The following ANK2 variants were observed in gnomAD, a reference collection of about 807,000 sequenced individuals.
The protein encoded by ANK2 is ankyrin 2.
Under a neutral mutation model 360.5 loss-of-function variants are expected in ANK2, and 83 were observed. The observed-to-expected ratio is 0.23, with a 90% confidence interval of 0.19 to 0.28. ANK2 has a LOEUF of 0.28. Ranked by LOEUF, ANK2 falls within the 10% of genes least tolerant of loss-of-function variation. ANK2 has a pLI of 1.00. For missense variants in ANK2, 4,201 were observed against 4,795.7 expected (o/e 0.88, Z 3.66); for synonymous variants, 1,740 against 1,759.5 (o/e 0.99, Z 0.28).
intron 2 of ANK2, among the ~76,000 whole-genome samples, chr4:112,954,592 T>G (rs1329305863): frequency 6.6e-6 from 1 of 152,206 alleles, no homozygotes; most frequent in African/African-American, 2.4e-5. Flanking sequence ...ATTCCTGGGT[T>G]TTACTACTCA....
chr4:112,774,514 G>A, the ANK2 span, among the ~76,000 whole-genome samples: 9 of 152,160 alleles, frequency 5.9e-5, no homozygotes, highest in African/African-American at 9.7e-5. Flanking sequence ...GCGACAGAGC[G>A]AGACTCCGTC....
chr4:113,039,194 GAT>G (rs2062310417), intron 2 of ANK2, among the ~76,000 whole-genome samples: 1 of 151,970 alleles, frequency 6.6e-6, no homozygotes, highest in South Asian at 2.1e-4. Context: ...AGAGTGATAA[GAT>G]AGTAAACTGA....
chr4:113,346,187 C>T (rs992825340), intron 35 of ANK2, among the ~76,000 whole-genome samples, 165 bp downstream of exon 35: 6 of 152,124 alleles, frequency 3.9e-5, no homozygotes, highest in East Asian at 1.9e-4. Context: ...GTAATAATCA[C>T]GTTTGATTCT....
At chr4:112,967,852 T>G (rs2037929215) in intron 2 of ANK2, among the ~76,000 whole-genome samples, 1 of 152,134 alleles carries the variant, frequency 6.6e-6, no homozygotes, top group Non-Finnish European at 1.5e-5. Context: ...CCTCTCAGCT[T>G]GAGTTGAAAA....
the ANK2 span, among the ~76,000 whole-genome samples, chr4:112,759,424 C>T: frequency 3.3e-4 from 50 of 152,334 alleles, no homozygotes; most frequent in African/African-American, 1.0e-3. Context: ...GGATTACAAG[C>T]GTGAGCTACC....
At chr4:113,291,888 T>C (rs2067849667) in intron 20 of ANK2, among the ~76,000 whole-genome samples, 1 of 152,174 alleles carries the variant, frequency 6.6e-6, no homozygotes, top group Non-Finnish European at 1.5e-5. Flanking sequence ...GAAAGGAATA[T>C]AAGATTTAGA....
intron 13 of ANK2, among the ~76,000 whole-genome samples, chr4:113,262,839 G>A (rs1390836074): frequency 6.6e-6 from 1 of 151,780 alleles, no homozygotes; most frequent in Non-Finnish European, 1.5e-5. Context: ...ATTGGTGGGG[G>A]AAACAGGAGG....
At chr4:113,363,022 A>G (rs1314855945) in intron 39 of ANK2, among the ~76,000 whole-genome samples, 1 of 152,200 alleles carries the variant, frequency 6.6e-6, no homozygotes, top group African/African-American at 2.4e-5. Flanking sequence ...GCTTAAAAGT[A>G]TAAGCAAGTA....
At chr4:113,145,838 G>A (rs1417338638) in intron 1 of ANK2, 2 of 1,288,802 alleles carry the variant, frequency 1.6e-6, no homozygotes, top group South Asian at 2.5e-5. Context: ...GCAAGGACGG[G>A]CCCACTGACA....
the ANK2 span, among the ~76,000 whole-genome samples, chr4:112,706,106 C>G: frequency 7.4e-4 from 112 of 151,308 alleles, no homozygotes; most frequent in African/African-American, 2.6e-3. Flanking sequence ...CGCGGGAGAC[C>G]CGGGCGTGAC....
intron 2 of ANK2, among the ~76,000 whole-genome samples, chr4:112,956,108 A>G (rs746073234): frequency 6.6e-6 from 1 of 152,154 alleles, no homozygotes; most frequent in Non-Finnish European, 1.5e-5. Flanking sequence ...GTACCAACCA[A>G]TTGCCATCTA....
At chr4:113,278,179 A>T (rs979190930) in intron 16 of ANK2, among the ~76,000 whole-genome samples, 1 of 152,184 alleles carries the variant, frequency 6.6e-6, no homozygotes, top group African/African-American at 2.4e-5. Flanking sequence ...TATTAAGAAG[A>T]ATCCCTGCAA....
At chr4:112,861,691 C>A (rs2068064120) in intron 1 of ANK2, among the ~76,000 whole-genome samples, 1 of 152,124 alleles carries the variant, frequency 6.6e-6, no homozygotes, top group Admixed American at 6.5e-5. Context: ...TCTCAAGGGA[C>A]CTGAAAGGGC....
chr4:113,330,124 C>T (rs2091969371), intron 26 of ANK2, 122 bp from the exon 27 acceptor site: 1 of 911,130 alleles, frequency 1.1e-6, no homozygotes, highest in Non-Finnish European at 1.7e-6. Context: ...CATTTTACCA[C>T]CATGCATTTA....
chr4:112,803,519 G>A, the ANK2 span, among the ~76,000 whole-genome samples: 4 of 152,066 alleles, frequency 2.6e-5, no homozygotes, highest in Admixed American at 1.3e-4. Flanking sequence ...GGCTGCCACC[G>A]GAAGCTGGAA....
chr4:112,723,943 T>C, the ANK2 span, among the ~76,000 whole-genome samples: 1 of 152,224 alleles, frequency 6.6e-6, no homozygotes, highest in African/African-American at 2.4e-5. Context: ...AAGACAAGGA[T>C]TATAATTTTA....
intron 2 of ANK2, among the ~76,000 whole-genome samples, chr4:112,942,697 G>A (rs149279568): frequency 6.6e-6 from 1 of 151,972 alleles, no homozygotes; most frequent in East Asian, 1.9e-4. Context: ...CATCTAGCAT[G>A]CCTTATGGTT....
At chr4:112,827,666 T>G in intron 1 of ANK2, 1 of 676,398 alleles carries the variant, frequency 1.5e-6, no homozygotes, top group South Asian at 2.0e-5. Context: ...ACAAAGAGCA[T>G]TGTTGCACTG....
chr4:112,847,996 G>T (rs2063722062), intron 1 of ANK2, among the ~76,000 whole-genome samples: 1 of 152,146 alleles, frequency 6.6e-6, no homozygotes, highest in African/African-American at 2.4e-5. Flanking sequence ...AGTGGTGTCT[G>T]CCCATCATTC....
Sources: gnomAD v4.1 joint callset for allele counts (sites outside exome capture counted in the v4.1 genomes callset) on GRCh38, gnomAD v4.1.1 for gene constraint, MANE v1.5 for transcripts, NCBI Gene and HGNC (gene_info 2026-07-23, HGNC 2026-07-21) for gene names.